Variants in MAEA observed in about 807,000 individuals in gnomAD.
MAEA encodes the protein macrophage erythroblast attacher, E3 ubiquitin ligase, also known as E3 ubiquitin-protein transferase MAEA.
MAEA carries 22 observed loss-of-function variants against 46.2 expected under a neutral mutation model. That is an observed-to-expected ratio of 0.48 (90% CI 0.34 to 0.68). The LOEUF is 0.68. Among genes scored for constraint, MAEA ranks in the 30% least tolerant of loss-of-function variants. The pLI is 0.01. For synonymous variants in MAEA, 246 were observed against 222.6 expected (o/e 1.11, Z -0.94); for missense variants, 393 against 558.1 (o/e 0.70, Z 2.98).
chr4:1,300,686 C>T (rs1362035613), intron 1 of MAEA, among the ~76,000 whole-genome samples: 2 of 152,238 alleles, frequency 1.3e-5, no homozygotes, highest in Admixed American at 6.5e-5. Flanking sequence ...TAAAAGGTTC[C>T]TGCAAGGAAG....
chr4:1,314,609 G>A (rs1017177167), intron 2 of MAEA, among the ~76,000 whole-genome samples: 2 of 152,196 alleles, frequency 1.3e-5, no homozygotes, highest in African/African-American at 4.8e-5. Flanking sequence ...AGTGACCAAG[G>A]TTTCAGAACT....
At chr4:1,326,224 T>G (rs1487947836) in intron 4 of MAEA, among the ~76,000 whole-genome samples, 1 of 152,206 alleles carries the variant, frequency 6.6e-6, no homozygotes. Context: ...TCAACTTAAA[T>G]GCAGTGGTCC....
At chr4:1,319,628 T>C (rs1236730630) in intron 3 of MAEA, among the ~76,000 whole-genome samples, 1 of 22,814 alleles carries the variant, frequency 4.4e-5, no homozygotes, top group Non-Finnish European at 6.8e-5. Flanking sequence ...ACAAGGCCTT[T>C]GGGAGACCAG....
chr4:1,314,398 A>G (rs939077468), intron 2 of MAEA, among the ~76,000 whole-genome samples: 3 of 151,366 alleles, frequency 2.0e-5, no homozygotes, highest in African/African-American at 7.3e-5. Flanking sequence ...AAAATGAAAA[A>G]CTCAACATTT....
chr4:1,331,023 C>T (rs1001658000), intron 5 of MAEA: 2 of 152,084 alleles, frequency 1.3e-5, no homozygotes, highest in African/African-American at 4.8e-5. Flanking sequence ...AATTTCCTCT[C>T]TTCAGCAGCT....
At chr4:1,307,830 C>T (rs1008162809) in intron 1 of MAEA, among the ~76,000 whole-genome samples, 1 of 152,176 alleles carries the variant, frequency 6.6e-6, no homozygotes, top group Non-Finnish European at 1.5e-5. Context: ...CTTGTTCTGT[C>T]TGGGCCCCAG....
Position 1,311,994 on chromosome 4 carries a change from C to G in MAEA, c.85C>G (p.Leu29Val). Reference protein sequence around the residue: ...YPTLKVPYETLNKRFRAAQKN... With the variant: ...YPTLKVPYETVNKRFRAAQKN... ...TCCTCTCCAGGTGCCCTACGAGACG[C>G]TGAACAAACGCTTTCGCGCCGCTCA... is the stretch of plus-strand genomic sequence containing the variant. The change falls in exon 2 of 9, where the codon CTG (leucine) becomes GTG (valine). Residue 29 changes from leucine (L) to valine (V), a missense_variant. Around this residue, in one of 2 missense-constraint regions of MAEA, gnomAD observed 358 missense variants for 537.9 expected, o/e 0.67. Transcript: ENST00000303400. This position sits in a 1 kb window ranked among gnomAD's most constrained non-coding sequence, Gnocchi z 4.4. 6.2e-7 allele frequency: 1 copy of G among 1,610,310 alleles called. No individual in the cohort carries two copies. Among genetic ancestry groups the G allele is most frequent in the East Asian group, 2.2e-5 (1 of 44,764 alleles).
chr4:1,297,253 G>A (rs1734825571), intron 1 of MAEA, among the ~76,000 whole-genome samples: 1 of 152,208 alleles, frequency 6.6e-6, no homozygotes, highest in African/African-American at 2.4e-5. Context: ...TGTTTCTCAC[G>A]TTTATCCTTG....
chr4:1,307,564 A>C (rs1389214955), intron 1 of MAEA, among the ~76,000 whole-genome samples: 2 of 152,206 alleles, frequency 1.3e-5, no homozygotes, highest in Non-Finnish European at 2.9e-5. Context: ...GGAACTCATA[A>C]TATATAGAGG....
chr4:1,296,546 C>T (rs540796250), intron 1 of MAEA, among the ~76,000 whole-genome samples: 47 of 142,678 alleles, frequency 3.3e-4, no homozygotes, highest in African/African-American at 1.1e-3. Flanking sequence ...TGCTCCTGCA[C>T]TTGGTTCTCT....
intron 7 of MAEA, chr4:1,338,141 G>C: frequency 2.4e-6 from 1 of 410,836 alleles, no homozygotes; most frequent in East Asian, 4.0e-5. Context: ...TTGCGTGGCC[G>C]GGGAGAGGGC....
At chr4:1,300,637 C>T (rs1413101961) in intron 1 of MAEA, among the ~76,000 whole-genome samples, 4 of 152,260 alleles carry the variant, frequency 2.6e-5, no homozygotes, top group Non-Finnish European at 2.9e-5. Context: ...GTGCCGCTGC[C>T]GCAGGTCGCA....
intron 6 of MAEA, 81 bp downstream of exon 6, chr4:1,332,946 C>G: frequency 9.3e-7 from 1 of 1,075,766 alleles, no homozygotes; most frequent in Non-Finnish European, 1.3e-6. Context: ...TGCTTCCACA[C>G]GTGGGGCGGG....
At chr4:1,302,620 C>G (rs1359966503) in intron 1 of MAEA, among the ~76,000 whole-genome samples, 1 of 152,198 alleles carries the variant, frequency 6.6e-6, no homozygotes, top group East Asian at 1.9e-4. Context: ...GCTGGGACTA[C>G]AGGCACCTGC....
chr4:1,326,315 G>A (rs1738806535), intron 4 of MAEA, among the ~76,000 whole-genome samples: 1 of 152,230 alleles, frequency 6.6e-6, no homozygotes, highest in African/African-American at 2.4e-5. Flanking sequence ...GTGACACGCG[G>A]CCCCAGCCCA....
intron 1 of MAEA, among the ~76,000 whole-genome samples, chr4:1,301,492 A>G (rs1735318238): frequency 6.6e-6 from 1 of 152,258 alleles, no homozygotes. Context: ...GATGTGATAA[A>G]TAAAAGTTTA....
intron 1 of MAEA, among the ~76,000 whole-genome samples, chr4:1,298,847 G>C (rs1048565960): frequency 1.3e-5 from 2 of 151,990 alleles, no homozygotes; most frequent in Non-Finnish European, 2.9e-5. Context: ...ATACCCACTT[G>C]GCAAGGCACT....
intron 6 of MAEA, chr4:1,334,828 G>C: frequency 1.0e-6 from 1 of 981,462 alleles, no homozygotes; most frequent in Non-Finnish European, 1.2e-6. Flanking sequence ...AGGATGCCAG[G>C]AGCTGTTCTT....
chr4:1,297,766 G>A (rs73796061), intron 1 of MAEA, among the ~76,000 whole-genome samples: 8,049 of 152,218 alleles, frequency 0.053, 691 homozygotes, highest in African/African-American at 0.18. Flanking sequence ...TTTCTCCCCC[G>A]TCTGTCTGGG....
Sources: allele counts gnomAD v4.1 joint callset (sites outside exome capture counted in the v4.1 genomes callset), GRCh38; gene constraint gnomAD v4.1.1; regional missense constraint gnomAD v4.1.1; non-coding constraint Gnocchi (gnomAD v3.1); transcripts MANE v1.5; gene names NCBI Gene and HGNC (gene_info 2026-07-23, HGNC 2026-07-21).